Variants in FRMD6 observed in about 807,000 individuals in gnomAD.
The protein encoded by FRMD6 is FERM domain containing 6, also known as FERM domain-containing protein 6.
A neutral mutation model predicts 73.2 loss-of-function variants in FRMD6; 37 were observed. The ratio of observed to expected loss-of-function variants is 0.51; its 90% CI spans 0.39 to 0.66. FRMD6 has a LOEUF of 0.66. Among genes scored for constraint, FRMD6 ranks in the 30% least tolerant of loss-of-function variants. The probability of loss-of-function intolerance (pLI) is 0.00; values close to 1 mark genes in which losing one functional copy is unlikely to be tolerated. For missense variants in FRMD6, 714 were observed against 780.5 expected, an observed-to-expected ratio of 0.91 and a Z score of 1.02; for synonymous variants, 273 against 282.2, an observed-to-expected ratio of 0.97 and a Z score of 0.33.
At chr14:51,480,098 A>C in the FRMD6 span, among the ~76,000 whole-genome samples, 3 of 152,184 alleles carry the variant, frequency 2.0e-5, no homozygotes, top group Admixed American at 2.0e-4. Context: ...AAGAGAAGGC[A>C]GTTGCAACAT....
At position 51,729,211 on chromosome 14, in the gene FRMD6, C is replaced by G. The variant is rs2140739833; in HGVS notation, c.*1182C>G. 6.6e-6 allele frequency: 1 copy of G among 152,290 alleles called. No individual in the cohort carries two copies. The highest frequency in any genetic ancestry group is 2.1e-4 in the South Asian group (1 of 4,822). 9.4% of individuals were successfully genotyped at this position (152,290 alleles called of 1,614,324 possible). On this transcript the variant is annotated 3_prime_UTR_variant, in exon 14 of 14. Transcript: ENST00000344768. The stretch of plus-strand genomic sequence containing the variant: ...CTCCCACCAGACCGATTACATCATT[C>G]TCTTGTGGCGGGACCCAAGTAGAAT...
At chr14:51,658,470 T>C (rs1165504438) in intron 1 of FRMD6, among the ~76,000 whole-genome samples, 1 of 152,230 alleles carries the variant, frequency 6.6e-6, no homozygotes, top group African/African-American at 2.4e-5. Context: ...AAAGGACTGC[T>C]TTGTCAATAT....
At chr14:51,723,993 G>T (rs1256424499) in intron 12 of FRMD6, 1 of 152,100 alleles carries the variant, frequency 6.6e-6, no homozygotes, top group South Asian at 2.1e-4. Context: ...TTATTTGGAT[G>T]TTAGGGTTAT....
intron 2 of FRMD6, among the ~76,000 whole-genome samples, chr14:51,577,865 C>G (rs1017781911): frequency 6.6e-6 from 1 of 152,160 alleles, no homozygotes; most frequent in Non-Finnish European, 1.5e-5. Flanking sequence ...TAGGTATACA[C>G]GTGCCTTTGC....
the FRMD6 span, among the ~76,000 whole-genome samples, chr14:51,463,209 A>G: frequency 1.3e-5 from 2 of 152,194 alleles, no homozygotes; most frequent in Admixed American, 6.5e-5. Flanking sequence ...AGTAGCATTA[A>G]TCTACTGACT....
At chr14:51,611,619 T>G (rs1392550403) in intron 2 of FRMD6, among the ~76,000 whole-genome samples, 1 of 152,220 alleles carries the variant, frequency 6.6e-6, no homozygotes, top group Non-Finnish European at 1.5e-5. Context: ...CAGATTTGAA[T>G]TCAGTAGGAC....
intron 1 of FRMD6, among the ~76,000 whole-genome samples, chr14:51,508,050 C>A (rs893925088): frequency 6.6e-5 from 10 of 152,190 alleles, no homozygotes; most frequent in African/African-American, 2.4e-4. Flanking sequence ...CCCACTCAGG[C>A]TCCATCGCAG....
chr14:51,490,616 T>TTTTTTGTGTGTG (rs143063959), intron 1 of FRMD6, among the ~76,000 whole-genome samples: 27 of 148,126 alleles, frequency 1.8e-4, no homozygotes, highest in African/African-American at 6.2e-4. Flanking sequence ...TGTGTGTATT[T>TTTTTTGTGTGTG]TGTGTGTGTG....
At chr14:51,437,070 T>G in the FRMD6 span, 1 of 406,744 alleles carries the variant, frequency 2.5e-6, no homozygotes, top group Non-Finnish European at 4.6e-6. Context: ...ATTGCCATGT[T>G]GGTTTGCTGC....
chr14:51,601,806 C>G (rs1890049491), intron 2 of FRMD6, among the ~76,000 whole-genome samples: 1 of 152,152 alleles, frequency 6.6e-6, no homozygotes, highest in South Asian at 2.1e-4. Flanking sequence ...TAACATTGAG[C>G]AATTATTTTT....
intron 1 of FRMD6, among the ~76,000 whole-genome samples, chr14:51,671,689 A>G (rs1347189175): frequency 6.6e-6 from 1 of 152,214 alleles, no homozygotes; most frequent in East Asian, 1.9e-4. Context: ...GTGCTTTAGA[A>G]AAAGTTTATG....
At chr14:51,704,612 C>T in intron 5 of FRMD6, 137 bp from the exon 6 acceptor site, 1 of 691,192 alleles carries the variant, frequency 1.4e-6, no homozygotes, top group South Asian at 2.1e-5. Context: ...CAACCGCTTC[C>T]TTTTCAGTGA....
intron 1 of FRMD6, among the ~76,000 whole-genome samples, chr14:51,570,110 C>T (rs572168517): frequency 7.9e-5 from 12 of 152,092 alleles, no homozygotes; most frequent in Admixed American, 1.3e-4. Flanking sequence ...CCACTGCGCC[C>T]GGCCCATGAG....
chr14:51,596,248 G>GGTGTGTGT (rs3060588), intron 2 of FRMD6, among the ~76,000 whole-genome samples: 12,424 of 147,580 alleles, frequency 0.084, 518 homozygotes, highest in South Asian at 0.11. Context: ...AGGAGAGCCT[G>GGTGTGTGT]GTGTGTGTGT....
At chr14:51,472,174 A>G in the FRMD6 span, among the ~76,000 whole-genome samples, 1 of 152,188 alleles carries the variant, frequency 6.6e-6, no homozygotes, top group Non-Finnish European at 1.5e-5. Flanking sequence ...AGACCTACAT[A>G]GGACCCAGCA....
intron 1 of FRMD6, among the ~76,000 whole-genome samples, chr14:51,551,930 C>A (rs1282034635): frequency 6.6e-6 from 1 of 152,080 alleles, no homozygotes; most frequent in Non-Finnish European, 1.5e-5. Flanking sequence ...CACACACAGT[C>A]TTAATGTTCT....
intron 5 of FRMD6, 116 bp from the exon 6 acceptor site, chr14:51,704,632 GA>G (rs1896518386): frequency 5.2e-6 from 4 of 774,502 alleles, no homozygotes; most frequent in Non-Finnish European, 6.1e-6. Context: ...AGGTGGGAGG[GA>G]GGAGCAGAAA....
intron 12 of FRMD6, among the ~76,000 whole-genome samples, chr14:51,725,113 T>A (rs767478811): frequency 5.3e-5 from 8 of 152,220 alleles, no homozygotes; most frequent in Non-Finnish European, 8.8e-5. Flanking sequence ...AGAGCTGCTG[T>A]GAACTGAGTG....
intron 1 of FRMD6, chr14:51,565,316 G>A (rs1032477761): frequency 5.3e-5 from 8 of 152,224 alleles, no homozygotes; most frequent in African/African-American, 1.7e-4. Flanking sequence ...TGGCTTACAC[G>A]TGCCGAATAC....
Sources: allele counts gnomAD v4.1 joint callset (sites outside exome capture counted in the v4.1 genomes callset), GRCh38; gene constraint gnomAD v4.1.1; transcripts MANE v1.5; gene names NCBI Gene and HGNC (gene_info 2026-07-23, HGNC 2026-07-21).